TLCD4: variants seen among roughly 807,000 people sequenced by gnomAD.
TLCD4 encodes the protein TLC domain containing 4.
Under a neutral mutation model 24.2 loss-of-function variants are expected in TLCD4, and 7 were observed. That is an observed-to-expected ratio of 0.29 (90% CI 0.16 to 0.54). The LOEUF is 0.54. Ranked by LOEUF, TLCD4 falls within the 20% of genes least tolerant of loss-of-function variation. The pLI, the probability that TLCD4 is intolerant of heterozygous loss-of-function variation, is 0.95. For missense variants in TLCD4, 259 were observed against 313.9 expected (o/e 0.82, Z 1.32); for synonymous variants, 103 against 106.4 (o/e 0.97, Z 0.20).
chr1:95,141,132 C>G (rs1212302378), intron 1 of TLCD4, among the ~76,000 whole-genome samples: 1 of 152,134 alleles, frequency 6.6e-6, no homozygotes, highest in African/African-American at 2.4e-5. Flanking sequence ...AAGGGAGACT[C>G]TAAACATATA....
chr1:95,191,436 T>C, intron 6 of TLCD4, 114 bp from the exon 7 acceptor site: 1 of 1,334,058 alleles, frequency 7.5e-7, no homozygotes, highest in Non-Finnish European at 1.0e-6. Context: ...GCGTATGCTA[T>C]TCTAGGCCCT....
chr1:95,121,499 C>T (rs189144285), intron 1 of TLCD4, among the ~76,000 whole-genome samples: 61 of 152,344 alleles, frequency 4.0e-4, no homozygotes, highest in African/African-American at 1.4e-3. Flanking sequence ...GAGACAGGGT[C>T]TCGCTTTGTC....
intron 1 of TLCD4, among the ~76,000 whole-genome samples, chr1:95,139,719 C>T (rs923033584): frequency 3.9e-5 from 6 of 152,016 alleles, no homozygotes; most frequent in African/African-American, 1.4e-4. Flanking sequence ...CTCGGCCTGC[C>T]AAAGTGCTGG....
intron 6 of TLCD4, among the ~76,000 whole-genome samples, chr1:95,189,733 T>C (rs2101025932): frequency 6.6e-6 from 1 of 152,370 alleles, no homozygotes; most frequent in East Asian, 1.9e-4. Flanking sequence ...TTTTTATTGC[T>C]AAGTAGTATT....
intron 5 of TLCD4, among the ~76,000 whole-genome samples, chr1:95,160,078 T>C (rs1677743196): frequency 6.6e-6 from 1 of 152,236 alleles, no homozygotes. Flanking sequence ...TGGCATTGAA[T>C]CTATAAATTA....
intron 1 of TLCD4, chr1:95,140,575 A>T (rs1426792227): frequency 2.0e-5 from 3 of 152,240 alleles, no homozygotes; most frequent in Non-Finnish European, 2.9e-5. Flanking sequence ...TTTGATGTCC[A>T]CAATTCCTGT....
chr1:95,145,113 A>G (rs377108585), intron 2 of TLCD4, among the ~76,000 whole-genome samples: 8 of 152,306 alleles, frequency 5.3e-5, no homozygotes, highest in African/African-American at 1.9e-4. Context: ...TATGTCCCCA[A>G]ACATCACTGT....
chr1:95,117,605 G>C lies in TLCD4; in HGVS notation c.-24G>C. Reference sequence around the variant, plus strand: ...CGCCGCCCGCGCGCGACTCGCCCCGGGACCCGGCACAGGTGACGCCGTTTG... The same window carrying C: ...CGCCGCCCGCGCGCGACTCGCCCCGCGACCCGGCACAGGTGACGCCGTTTG... On this transcript the variant is annotated 5_prime_UTR_variant, in exon 1 of 7. Coordinates refer to ENST00000370203, the MANE Select transcript of TLCD4 (RefSeq NM_152487.3). 1 of 153,438 alleles carries C rather than the reference G, an allele frequency of 6.5e-6. No homozygotes were observed. The highest frequency in any genetic ancestry group is 1.4e-5 in the Non-Finnish European group (1 of 69,186). The allele number at this position is 153,438 out of a possible 1,614,324, so 9.5% of individuals were successfully genotyped here. A position where few individuals can be genotyped will look rare whatever the true frequency, so the allele number is the denominator to read the frequency against.
chr1:95,185,223 T>A (rs1678790071), intron 6 of TLCD4, among the ~76,000 whole-genome samples: 1 of 152,076 alleles, frequency 6.6e-6, no homozygotes, highest in Non-Finnish European at 1.5e-5. Context: ...GTTTTTGGAT[T>A]AGCAGGAATT....
At chr1:95,129,043 C>CAGGGGTT (rs895884976) in intron 1 of TLCD4, among the ~76,000 whole-genome samples, 1 of 152,162 alleles carries the variant, frequency 6.6e-6, no homozygotes, top group Non-Finnish European at 1.5e-5. Flanking sequence ...GTTTAGAGAA[C>CAGGGGTT]AGGGGTTAGC....
At chr1:95,158,398 G>A (rs1487207338) in intron 5 of TLCD4, among the ~76,000 whole-genome samples, 1 of 151,744 alleles carries the variant, frequency 6.6e-6, no homozygotes, top group Admixed American at 6.6e-5. Flanking sequence ...GCCCAGGCTG[G>A]TCTCAAACTG....
At chr1:95,118,780 C>T (rs550300385) in intron 1 of TLCD4, among the ~76,000 whole-genome samples, 1 of 152,154 alleles carries the variant, frequency 6.6e-6, no homozygotes, top group Non-Finnish European at 1.5e-5. Flanking sequence ...TTTATCCTTG[C>T]TTATCTTTTC....
intron 1 of TLCD4, among the ~76,000 whole-genome samples, chr1:95,139,455 ATTT>A (rs200337389): frequency 1.1e-5 from 1 of 93,992 alleles, no homozygotes; most frequent in African/African-American, 4.0e-5. Context: ...TAAACCTTTG[ATTT>A]TTTTTTTTTT....
At chr1:95,095,598 C>T in the TLCD4 span, among the ~76,000 whole-genome samples, 5 of 152,042 alleles carry the variant, frequency 3.3e-5, no homozygotes, top group African/African-American at 4.8e-5. Flanking sequence ...AGGGTTTCAC[C>T]GTGTTAGCCA....
chr1:95,164,768 A>G (rs946311986), intron 5 of TLCD4: 11 of 152,192 alleles, frequency 7.2e-5, no homozygotes, highest in Non-Finnish European at 1.5e-5. Flanking sequence ...TCTACTTTGT[A>G]TTCTGTAATC....
At chr1:95,163,250 G>T (rs959325974) in intron 5 of TLCD4, 2 of 151,820 alleles carry the variant, frequency 1.3e-5, no homozygotes, top group African/African-American at 4.8e-5. Context: ...TCATTCATTT[G>T]ATCTACAATC....
the TLCD4 span, among the ~76,000 whole-genome samples, chr1:95,106,745 A>C: frequency 6.6e-6 from 1 of 152,326 alleles, no homozygotes; most frequent in Admixed American, 6.5e-5. Context: ...AAAATTATTA[A>C]TATATTGCAA....
At chr1:95,108,869 T>A in the TLCD4 span, among the ~76,000 whole-genome samples, 10 of 152,220 alleles carry the variant, frequency 6.6e-5, no homozygotes, top group African/African-American at 2.4e-4. Flanking sequence ...TTATTGAGAT[T>A]CTATAGTATT....
the TLCD4 span, among the ~76,000 whole-genome samples, chr1:95,096,713 A>G: frequency 0.018 from 2,713 of 152,240 alleles, 78 homozygotes; most frequent in African/African-American, 0.062. Context: ...TAATGGGTTC[A>G]GTTTATGGAC....
Sources: gnomAD v4.1 joint callset for allele counts (sites outside exome capture counted in the v4.1 genomes callset) on GRCh38, gnomAD v4.1.1 for gene constraint, MANE v1.5 for transcripts, NCBI Gene and HGNC (gene_info 2026-07-23, HGNC 2026-07-21) for gene names.